TSEN15: variants seen among roughly 807,000 people sequenced by gnomAD.
TSEN15 encodes the protein tRNA splicing endonuclease subunit 15, also known as tRNA-splicing endonuclease subunit Sen15.
A neutral mutation model predicts 20.5 loss-of-function variants in TSEN15; 10 were observed. The ratio of observed to expected loss-of-function variants is 0.49; its 90% confidence interval spans 0.30 to 0.83. TSEN15 has a LOEUF of 0.83. Ranked by LOEUF, TSEN15 falls within the 40% of genes least tolerant of loss-of-function variation. The pLI, the probability that TSEN15 is intolerant of heterozygous loss-of-function variation, is 0.06. For missense variants in TSEN15, 180 were observed against 218.6 expected (o/e 0.82, Z 1.11); for synonymous variants, 72 against 80.1 (o/e 0.90, Z 0.54).
intron 3 of TSEN15, among the ~76,000 whole-genome samples, chr1:184,063,670 T>C (rs1348019903): frequency 6.6e-6 from 1 of 152,192 alleles, no homozygotes; most frequent in Non-Finnish European, 1.5e-5. Context: ...AGACTGCCAA[T>C]AGTAATTTTT....
chr1:184,087,977 G>A (rs1320518911), intron 3 of TSEN15, among the ~76,000 whole-genome samples: 2 of 152,146 alleles, frequency 1.3e-5, no homozygotes, highest in Non-Finnish European at 2.9e-5. Context: ...GCTTAGGGGA[G>A]ACCTAAGCTC....
chr1:184,064,166 G>C (rs1034756786), intron 3 of TSEN15, among the ~76,000 whole-genome samples: 1 of 152,104 alleles, frequency 6.6e-6, no homozygotes, highest in African/African-American at 2.4e-5. Context: ...GATATGTACA[G>C]GGTACTGAGG....
At chr1:184,058,197 G>T in intron 3 of TSEN15, 1 of 431,086 alleles carries the variant, frequency 2.3e-6, no homozygotes, top group Non-Finnish European at 4.6e-6. Flanking sequence ...AATGGCTAAA[G>T]CTTGTTTTCT....
At position 184,091,433 on chromosome 1, in the gene TSEN15, C is replaced by T. The variant is rs920986759; in HGVS notation, c.354-4257C>T. Among the ~76,000 whole-genome samples the T allele has an allele frequency of 1.3e-5, 2 of 152,002 alleles. 1 individual carries two copies. The highest frequency in any genetic ancestry group is 2.9e-5 in the Non-Finnish European group (2 of 67,984). On this transcript the variant is annotated intron_variant, in intron 3 of 3. Coordinates refer to the TSEN15 transcript ENST00000643231. ...TCTAAAATAGTGATGATAATTCCTA[C>T]TTTTCAGGATTGTTGTATATATTAT...
chr1:184,068,572 T>C (rs753800866), intron 3 of TSEN15, among the ~76,000 whole-genome samples: 69 of 152,158 alleles, frequency 4.5e-4, no homozygotes, highest in Non-Finnish European at 8.7e-4. Flanking sequence ...CCCACTGGGG[T>C]GGATAGCTTC....
chr1:184,071,924 A>G, intron 3 of TSEN15: 1 of 407,448 alleles, frequency 2.5e-6, no homozygotes, highest in Non-Finnish European at 4.3e-6. Context: ...ACTGTCAACT[A>G]TTTCTATACC....
At chr1:184,096,149 C>A (rs1651445595) in exon 4 of TSEN15, 1 of 164,460 alleles carries the variant, frequency 6.1e-6, no homozygotes, top group Non-Finnish European at 1.3e-5. Flanking sequence ...TTTTCTGATC[C>A]TATTTCTGTA....
chr1:184,081,481 C>A (rs889685854), intron 3 of TSEN15, among the ~76,000 whole-genome samples: 6 of 152,130 alleles, frequency 3.9e-5, no homozygotes, highest in Admixed American at 1.3e-4. Context: ...CCAAAGGAAG[C>A]CACGTGCCTG....
Position 184,073,035 on chromosome 1 carries a change from A to T in TSEN15, c.*188A>T, listed in dbSNP as rs1183370555. The T allele has an allele frequency of 1.2e-5, 7 of 583,554 alleles. No homozygotes were observed. Among genetic ancestry groups the T allele is most frequent in the Non-Finnish European group, 2.1e-5 (7 of 336,614 alleles). The allele number at this position is 583,554 out of a possible 1,614,324, so 36.1% of individuals were successfully genotyped here. ...GAAGACTTTCTCCTTCTTAAAAAAT[A>T]TAGGGTGATTTCTTTAAAACTTTGT... On this transcript the variant is annotated 3_prime_UTR_variant, in exon 5 of 5. Transcript: ENST00000645668.
rs146930872 is a variant in TSEN15, at chr1:184,095,612, A to G, written c.354-78A>G. The G allele has an allele frequency of 6.8e-3, 2,693 of 394,070 alleles. 16 individuals are homozygous for G. Among genetic ancestry groups the G allele is most frequent in the Middle Eastern group, 0.022 (34 of 1,572 alleles). 24.4% of individuals were successfully genotyped at this position (394,070 alleles called of 1,614,324 possible). ...ATGGGGAAGAAACAGGATACCAGAG[A>G]TCTCTATCTCTCTCCCCCTTCTCTC... is the stretch of plus-strand genomic sequence containing the variant. On this transcript the variant is annotated intron_variant, in intron 3 of 3. Coordinates refer to the TSEN15 transcript ENST00000643231.
intron 1 of TSEN15, among the ~76,000 whole-genome samples, chr1:184,052,768 C>T (rs188681201): frequency 4.6e-5 from 7 of 152,246 alleles, no homozygotes; most frequent in African/African-American, 1.4e-4. Context: ...GAAACAATAG[C>T]ATGGAAATAT....
chr1:184,064,491 G>A (rs1210345214), intron 3 of TSEN15, among the ~76,000 whole-genome samples: 1 of 151,930 alleles, frequency 6.6e-6, no homozygotes, highest in Non-Finnish European at 1.5e-5. Flanking sequence ...AGAGATATGG[G>A]AATGATGGGA....
chr1:184,054,591 CAG>C (rs1650175207), intron 2 of TSEN15, 135 bp from the exon 3 acceptor site: 1 of 1,194,226 alleles, frequency 8.4e-7, no homozygotes, highest in Admixed American at 2.5e-5. Flanking sequence ...TACTGAGTAA[CAG>C]AAGCTACTAG....
downstream of TSEN15, among the ~76,000 whole-genome samples, chr1:184,077,407 C>A (rs1482334199): frequency 6.6e-6 from 1 of 152,100 alleles, no homozygotes; most frequent in East Asian, 1.9e-4. Context: ...TGACAATGCA[C>A]CTGGTCACCC....
rs1002607463 is a variant in TSEN15, at chr1:184,054,375, G to C, written c.157G>C (p.Asp53His). 9 of 1,601,624 alleles carry C rather than the reference G, an allele frequency of 5.6e-6. No individual in the cohort carries two copies. The highest frequency in any genetic ancestry group is 1.7e-5 in the Admixed American group (1 of 59,728). Reference protein sequence around the residue: ...HPKYLEMMELDIGDATQVYVA... With the variant: ...HPKYLEMMELHIGDATQVYVA... ...TCAGTATCTAGAAATGATGGAATTA[G>C]ATATAGGAGATGCCACCCAAGTTTA... Residue 53 changes from aspartate to histidine, a missense_variant, in exon 2 of 5, where the codon GAT becomes CAT. Coordinates refer to ENST00000645668, the MANE Select transcript of TSEN15 (RefSeq NM_052965.4).
At chr1:184,058,496 G>A (rs1490457901) in intron 3 of TSEN15, among the ~76,000 whole-genome samples, 1 of 151,892 alleles carries the variant, frequency 6.6e-6, no homozygotes, top group Non-Finnish European at 1.5e-5. Context: ...TCATTATTCA[G>A]TCTTTAACAG....
chr1:184,091,000 T>C (rs1651346448), intron 3 of TSEN15, among the ~76,000 whole-genome samples: 1 of 152,174 alleles, frequency 6.6e-6, no homozygotes, highest in African/African-American at 2.4e-5. Flanking sequence ...ATTAATTCTG[T>C]CTAAACACTG....
At position 184,054,860 on chromosome 1, in the gene TSEN15, A is replaced by T; in HGVS notation, c.350A>T (p.Asn117Ile). 1.2e-6 allele frequency: 2 copies of T among 1,609,516 alleles called. No homozygotes were observed. Among genetic ancestry groups the T allele is most frequent in the Non-Finnish European group, 1.7e-6 (2 of 1,177,918 alleles). The change falls in exon 3 of 5, where the codon AAC (asparagine) becomes ATC (isoleucine). Residue 117 changes from asparagine to isoleucine, a missense_variant. Around this residue, in one of 3 missense-constraint regions of TSEN15, gnomAD observed 76 missense variants for 123.4 expected, o/e 0.62. Coordinates refer to ENST00000645668, the MANE Select transcript of TSEN15 (RefSeq NM_052965.4). Reference sequence around the variant, plus strand: ...CCCATCACTGCTTCCCTCAGCCATAACAGGTGAGCAGGTGATTTTGGTCTA... The same window carrying T: ...CCCATCACTGCTTCCCTCAGCCATATCAGGTGAGCAGGTGATTTTGGTCTA... ...PTPITASLSHNRIREILKASR... is the reference protein window; with the variant it reads ...PTPITASLSHIRIREILKASR...
downstream of TSEN15, among the ~76,000 whole-genome samples, chr1:184,075,910 AT>A (rs200324927): frequency 8.2e-3 from 1,013 of 123,716 alleles, 9 homozygotes; most frequent in East Asian, 0.035. Flanking sequence ...ATATATATAT[AT>A]TTTTTTTTTT....
Sources: gnomAD v4.1 joint callset for allele counts (sites outside exome capture counted in the v4.1 genomes callset) on GRCh38, gnomAD v4.1.1 for gene constraint, gnomAD v4.1.1 regional missense constraint, MANE v1.5 for transcripts, NCBI Gene and HGNC (gene_info 2026-07-23, HGNC 2026-07-21) for gene names.